The following CAPN8 variants were observed in gnomAD, a reference collection of about 807,000 sequenced individuals.
CAPN8 encodes the protein calpain-8.
In CAPN8, 87 loss-of-function variants were observed where a neutral mutation model predicts 80.9. That is an observed-to-expected ratio of 1.07 (90% CI 0.90 to 1.28). The LOEUF (loss-of-function observed/expected upper bound fraction) is 1.28, where lower values mean the gene tolerates loss of function less well. Ranked by LOEUF, CAPN8 falls within the 50% of genes most tolerant of loss-of-function variation. CAPN8 has a pLI of 0.00. For synonymous variants in CAPN8, 299 were observed against 273.8 expected, an observed-to-expected ratio of 1.09 and a Z score of -0.91; for missense variants, 757 against 702.0, an observed-to-expected ratio of 1.08 and a Z score of -0.89.
chr1:223,552,478 C>G (rs1365604666), intron 14 of CAPN8, among the ~76,000 whole-genome samples: 3 of 149,032 alleles, frequency 2.0e-5, no homozygotes, highest in Non-Finnish European at 3.0e-5. Context: ...GCACGAGAAT[C>G]GCTTGAACCC....
At chr1:223,614,647 C>A (rs1657120197) in intron 10 of CAPN8, among the ~76,000 whole-genome samples, 1 of 152,190 alleles carries the variant, frequency 6.6e-6, no homozygotes, top group South Asian at 2.1e-4. Flanking sequence ...CAGATCTGAC[C>A]TGCTCTGTTG....
In CAPN8 at chr1:223,609,187, A is replaced by G. The variant is rs1389993367; in HGVS notation, c.1501T>C (p.Leu501=). Residue 501 remains leucine (L), a synonymous_variant, in exon 12 of 21, where the codon TTG becomes CTG. Transcript: ENST00000366872. ...FEPFKDGEFC[L]RVFSEKKAQA... ...GCCTTCTTCTCTGAGAACACTCTCA[A>G]GCAGAACTCGCCGTCTTTGAAGGGT... is the stretch of plus-strand genomic sequence containing the variant. 1 of 398,374 alleles carries G rather than the reference A, an allele frequency of 2.5e-6. No individual in the cohort carries two copies. The highest frequency in any genetic ancestry group is 4.4e-6 in the Non-Finnish European group (1 of 226,056). 24.7% of individuals were successfully genotyped at this position (398,374 alleles called of 1,614,324 possible).
chr1:223,644,124 A>G (rs1002964366), intron 2 of CAPN8: 9 of 327,890 alleles, frequency 2.7e-5, no homozygotes, highest in African/African-American at 4.4e-5. Context: ...TGGAGACACT[A>G]TGTACCCGAG....
At chr1:223,558,250 A>C in intron 12 of CAPN8, 83 bp from the exon 13 acceptor site, 1 of 397,864 alleles carries the variant, frequency 2.5e-6, no homozygotes, top group Admixed American at 4.4e-5. Flanking sequence ...GAAGATTTCG[A>C]CCCTCCTGAG....
chr1:223,630,542 C>T (rs944045601), intron 2 of CAPN8, among the ~76,000 whole-genome samples: 22 of 151,896 alleles, frequency 1.4e-4, no homozygotes, highest in African/African-American at 4.8e-4. Context: ...TACTATGTTG[C>T]CCAGGCTGGT....
chr1:223,637,144 C>A (rs1657913805), intron 2 of CAPN8, among the ~76,000 whole-genome samples: 1 of 152,220 alleles, frequency 6.6e-6, no homozygotes. Context: ...TGACCTCCCA[C>A]AAGCCATATA....
intron 1 of CAPN8, among the ~76,000 whole-genome samples, chr1:223,663,628 T>C (rs553538268): frequency 6.6e-6 from 1 of 152,282 alleles, no homozygotes; most frequent in African/African-American, 2.4e-5. Flanking sequence ...AAACTGTCTG[T>C]TGAAATGAAA....
intron 2 of CAPN8, among the ~76,000 whole-genome samples, chr1:223,635,224 C>G (rs774323065): frequency 6.6e-6 from 1 of 152,218 alleles, no homozygotes; most frequent in Non-Finnish European, 1.5e-5. Context: ...TATTTCAGCT[C>G]TGTACATTAC....
intron 1 of CAPN8, among the ~76,000 whole-genome samples, chr1:223,664,001 G>C (rs1658720054): frequency 6.6e-6 from 1 of 152,228 alleles, no homozygotes; most frequent in Admixed American, 6.5e-5. Flanking sequence ...CCCCTCTCCT[G>C]AGACGTTGTT....
intron 2 of CAPN8, among the ~76,000 whole-genome samples, chr1:223,652,357 T>A (rs1461798525): frequency 6.6e-6 from 1 of 151,958 alleles, no homozygotes; most frequent in Non-Finnish European, 1.5e-5. Flanking sequence ...TATATATATA[T>A]AAACATCTTT....
intron 2 of CAPN8, among the ~76,000 whole-genome samples, chr1:223,650,806 G>A (rs1164034510): frequency 6.6e-6 from 1 of 152,192 alleles, no homozygotes; most frequent in Non-Finnish European, 1.5e-5. Context: ...ATATGGGTAT[G>A]ACTTACTATA....
intron 2 of CAPN8, among the ~76,000 whole-genome samples, chr1:223,640,874 C>A (rs1028757932): frequency 1.3e-5 from 2 of 152,094 alleles, no homozygotes; most frequent in Non-Finnish European, 2.9e-5. Context: ...CATGCAGATA[C>A]AATGCAAGGT....
chr1:223,650,719 T>C (rs777390340), intron 2 of CAPN8, among the ~76,000 whole-genome samples: 18 of 152,068 alleles, frequency 1.2e-4, no homozygotes, highest in Non-Finnish European at 1.5e-5. Context: ...GATGAGCCAA[T>C]AAATAATCCT....
chr1:223,646,469 A>G (rs895251847), intron 2 of CAPN8, among the ~76,000 whole-genome samples: 8 of 152,180 alleles, frequency 5.3e-5, no homozygotes, highest in South Asian at 2.1e-4. Context: ...CACAGCCTGT[A>G]ACCTCACCCT....
chr1:223,550,772 G>C (rs200488592), intron 15 of CAPN8, among the ~76,000 whole-genome samples, 188 bp downstream of exon 15: 2 of 151,864 alleles, frequency 1.3e-5, no homozygotes, highest in African/African-American at 4.8e-5. Context: ...CTCCACCCTC[G>C]CCTCCCCGTC....
rs955228883 is a variant in CAPN8 at position 223,655,111 on chromosome 1, A to T, written c.238-712T>A. ...CTGAGATAATATGTGATGAAAAATG[A>T]TCTCACCTATTCAGACAACACCCCT... On this transcript the variant is annotated intron_variant, in intron 1 of 20. Coordinates refer to ENST00000366872, the MANE Select transcript of CAPN8 (RefSeq NM_001143962.2). 2.0e-5 allele frequency among the ~76,000 whole-genome samples: 3 copies of T among 152,230 alleles called. No homozygotes were observed. In the East Asian group the frequency reaches 5.8e-4, roughly 29 times the overall value.
Position 223,622,611 on chromosome 1 carries a change from G to T in CAPN8, c.899+204C>A, listed in dbSNP as rs902809324. 71 of 564,196 alleles carry T rather than the reference G, an allele frequency of 1.3e-4. No individual in the cohort carries two copies. The Middle Eastern group carries it at 2.8e-3, about 22-fold the overall frequency. 34.9% of individuals were successfully genotyped at this position (564,196 alleles called of 1,614,324 possible). A position where few individuals can be genotyped will look rare whatever the true frequency, so the allele number is the denominator to read the frequency against. ...TTTCAAATGCCAAAGCAGAAAGCCA[G>T]AATCGAAGACTACAGCCCAGTGGTT... On this transcript the variant is annotated intron_variant, in intron 7 of 20. Coordinates refer to ENST00000366872, the MANE Select transcript of CAPN8 (RefSeq NM_001143962.2).
intron 2 of CAPN8, among the ~76,000 whole-genome samples, chr1:223,649,020 T>C (rs1658270014): frequency 6.6e-6 from 1 of 152,218 alleles, no homozygotes; most frequent in African/African-American, 2.4e-5. Context: ...CCTAGTAGCA[T>C]GTGTTATTCA....
chr1:223,622,757 A>G (rs1461716980), intron 7 of CAPN8, 58 bp downstream of exon 7: 1 of 1,342,386 alleles, frequency 7.4e-7, no homozygotes, highest in Admixed American at 2.0e-5. Flanking sequence ...TGTGTGTTTT[A>G]CACGACACCC....
Sources: gnomAD v4.1 joint callset for allele counts (sites outside exome capture counted in the v4.1 genomes callset) on GRCh38, gnomAD v4.1.1 for gene constraint, MANE v1.5 for transcripts, NCBI Gene and HGNC (gene_info 2026-07-23, HGNC 2026-07-21) for gene names.